KIRREL3: variants seen among roughly 807,000 people sequenced by gnomAD.
The protein encoded by KIRREL3 is kin of IRRE-like protein 3.
In KIRREL3, 36 loss-of-function variants were observed where a neutral mutation model predicts 89.7. The ratio of observed to expected loss-of-function variants is 0.40; its 90% CI spans 0.31 to 0.53. The LOEUF (loss-of-function observed/expected upper bound fraction) is 0.53, where lower values mean the gene tolerates loss of function less well. Ranked by LOEUF, KIRREL3 falls within the 20% of genes least tolerant of loss-of-function variation. The probability of loss-of-function intolerance (pLI) is 0.49; values close to 1 mark genes in which losing one functional copy is unlikely to be tolerated. For missense variants in KIRREL3, 864 were observed against 1,056.6 expected, an observed-to-expected ratio of 0.82 and a Z score of 2.53; for synonymous variants, 445 against 441.4, an observed-to-expected ratio of 1.01 and a Z score of -0.10.
At position 126,876,105 on chromosome 11, in the gene KIRREL3, G is replaced by T. The variant is rs1215708329; in HGVS notation, c.55+124350C>A. On this transcript the variant is annotated intron_variant, in intron 1 of 16. Coordinates refer to ENST00000525144, the MANE Select transcript of KIRREL3 (RefSeq NM_032531.4). This position sits in a 1 kb window ranked among gnomAD's most constrained non-coding sequence, Gnocchi z 4.1. Reference sequence around the variant, plus strand: ...TTGTTGGAAATAATGACTTCAAAGGGCAGCCGTCTTCTACTAGCTCTTCAG... The same window carrying T: ...TTGTTGGAAATAATGACTTCAAAGGTCAGCCGTCTTCTACTAGCTCTTCAG... 3.9e-5 allele frequency among the ~76,000 whole-genome samples: 6 copies of T among 152,288 alleles called. No individual in the cohort carries two copies. In the East Asian group the frequency reaches 1.2e-3, roughly 29 times the overall value.
chr11:126,765,693 GT>G (rs1592094846), intron 1 of KIRREL3, among the ~76,000 whole-genome samples: 1 of 152,182 alleles, frequency 6.6e-6, no homozygotes, highest in Non-Finnish European at 1.5e-5. Flanking sequence ...GAGTCAGGCA[GT>G]TTTCGGGGAA....
chr11:126,945,542 G>C (rs1948598481), intron 1 of KIRREL3, among the ~76,000 whole-genome samples: 1 of 152,174 alleles, frequency 6.6e-6, no homozygotes, highest in African/African-American at 2.4e-5. Context: ...GTTCCCCCAG[G>C]CTGTGGGGAA....
chr11:126,674,161 C>A (rs756907671), intron 1 of KIRREL3, among the ~76,000 whole-genome samples: 2 of 152,196 alleles, frequency 1.3e-5, no homozygotes, highest in Non-Finnish European at 2.9e-5. Context: ...AAGGCAAGGG[C>A]AATTCTTCTT....
rs1040841606 is a variant in KIRREL3 at position 126,432,663 on chromosome 11, C to T, written c.1589-1137G>A. On this transcript the variant is annotated intron_variant, in intron 13 of 16. Coordinates refer to ENST00000525144, the MANE Select transcript of KIRREL3 (RefSeq NM_032531.4). The surrounding 1 kb of genome is among the most constrained non-coding windows in gnomAD (Gnocchi z 6.2). Reference sequence around the variant, plus strand: ...TCTCATGTGCTCGGTACCGCCCAGACTGCTGCTGCTCCGAGTCCTGGCTCC... The same window carrying T: ...TCTCATGTGCTCGGTACCGCCCAGATTGCTGCTGCTCCGAGTCCTGGCTCC... Among the ~76,000 whole-genome samples the T allele has an allele frequency of 3.3e-5, 5 of 152,092 alleles. No individual in the cohort carries two copies. The highest frequency in any genetic ancestry group is 7.4e-5 in the Non-Finnish European group (5 of 68,026).
chr11:126,481,322 C>T (rs1957212351), intron 4 of KIRREL3, among the ~76,000 whole-genome samples: 1 of 152,186 alleles, frequency 6.6e-6, no homozygotes, highest in South Asian at 2.1e-4. Context: ...TTAGCTCTTG[C>T]TGGCCATATC....
intron 1 of KIRREL3, among the ~76,000 whole-genome samples, chr11:126,765,801 A>C (rs1949806236): frequency 6.6e-6 from 1 of 152,168 alleles, no homozygotes; most frequent in African/African-American, 2.4e-5. Flanking sequence ...CCTAGCTGAA[A>C]AGTGAAGAAA....
In KIRREL3 at chr11:126,768,729, C is replaced by T. The variant is rs1389473804; in HGVS notation, c.56-205817G>A. ...AGCTGGAAGAGCAAGTGCAAAGGTC[C>T]TAAGGTGAGAATGACCCAGGTGCCT... On this transcript the variant is annotated intron_variant, in intron 1 of 16. Transcript: ENST00000525144. This position sits in a 1 kb window ranked among gnomAD's most constrained non-coding sequence, Gnocchi z 4.5. Among the ~76,000 whole-genome samples the T allele has an allele frequency of 6.6e-6, 1 of 152,050 alleles. No individual in the cohort carries two copies. Among genetic ancestry groups the T allele is most frequent in the Admixed American group, 6.5e-5 (1 of 15,272 alleles).
chr11:126,686,613 T>C lies in KIRREL3; in HGVS notation c.56-123701A>G, dbSNP rs1022964711. Among the ~76,000 whole-genome samples, 1 of 152,188 alleles carries C rather than the reference T, an allele frequency of 6.6e-6. No homozygotes were observed. Among genetic ancestry groups the C allele is most frequent in the Non-Finnish European group, 1.5e-5 (1 of 68,032 alleles). On this transcript the variant is annotated intron_variant, in intron 1 of 16. Coordinates refer to ENST00000525144, the MANE Select transcript of KIRREL3 (RefSeq NM_032531.4). This position sits in a 1 kb window ranked among gnomAD's most constrained non-coding sequence, Gnocchi z 4.7. ...TTTTAATTTTGAGACAGAGTCTCAC[T>C]GTGTGGCACAGGCTGGAGTGCAGTG...
rs954379624 is a variant in KIRREL3, at chr11:126,562,930, G to C, written c.56-18C>G. ...GCCCAGCTCTGGAAGAGAAGCATAG[G>C]TGGGTGAGTTGGGAATGGGAACAGG... On this transcript the variant is annotated intron_variant, in intron 1 of 16. Coordinates refer to ENST00000525144, the MANE Select transcript of KIRREL3 (RefSeq NM_032531.4). The surrounding 1 kb of genome is among the most constrained non-coding windows in gnomAD (Gnocchi z 4.7). The C allele has an allele frequency of 6.2e-7, 1 of 1,609,066 alleles. No homozygotes were observed. Among genetic ancestry groups the C allele is most frequent in the Non-Finnish European group, 8.5e-7 (1 of 1,175,680 alleles).
At chr11:126,984,361 G>T (rs1949797505) in intron 1 of KIRREL3, among the ~76,000 whole-genome samples, 1 of 152,202 alleles carries the variant, frequency 6.6e-6, no homozygotes, top group African/African-American at 2.4e-5. Flanking sequence ...TCTAGGGCTT[G>T]TGTCACATGC....
Position 126,639,250 on chromosome 11 carries a change from A to T in KIRREL3, c.56-76338T>A, listed in dbSNP as rs976903116. Among the ~76,000 whole-genome samples, 1 of 152,206 alleles carries T rather than the reference A, an allele frequency of 6.6e-6. No homozygotes were observed. Among genetic ancestry groups the T allele is most frequent in the Non-Finnish European group, 1.5e-5 (1 of 68,046 alleles). ...GGCTCTGACCTTTTGATAACATTTT[A>T]AAAAAAGAAACCTTACATATTGACT... is the stretch of plus-strand genomic sequence containing the variant. On this transcript the variant is annotated intron_variant, in intron 1 of 16. Transcript: ENST00000525144. This position sits in a 1 kb window ranked among gnomAD's most constrained non-coding sequence, Gnocchi z 4.3.
chr11:126,447,003 C>A, intron 8 of KIRREL3, 117 bp from the exon 9 acceptor site: 1 of 1,239,110 alleles, frequency 8.1e-7, no homozygotes, highest in Admixed American at 2.2e-5. Context: ...CAGTGGGGTA[C>A]TTGTGCCACC....
intron 1 of KIRREL3, among the ~76,000 whole-genome samples, chr11:126,738,724 C>A (rs548094230): frequency 3.3e-5 from 5 of 152,134 alleles, no homozygotes; most frequent in Admixed American, 1.3e-4. Context: ...TTTCTCAGCC[C>A]TAGCAGGGCT....
intron 1 of KIRREL3, among the ~76,000 whole-genome samples, chr11:126,678,562 TGCA>T (rs1364900392): frequency 8.6e-6 from 1 of 116,886 alleles, no homozygotes; most frequent in Non-Finnish European, 1.6e-5. Flanking sequence ...ATTGTGCCAC[TGCA>T]CACCAGCCTG....
At chr11:126,767,294 T>A (rs1393534724) in intron 1 of KIRREL3, among the ~76,000 whole-genome samples, 1 of 152,164 alleles carries the variant, frequency 6.6e-6, no homozygotes, top group African/African-American at 2.4e-5. Context: ...AGGAGGGAGC[T>A]GGTAGCATGC....
Position 126,620,359 on chromosome 11 carries a change from A to G in KIRREL3, c.56-57447T>C, listed in dbSNP as rs1234883648. On this transcript the variant is annotated intron_variant, in intron 1 of 16. Coordinates refer to ENST00000525144, the MANE Select transcript of KIRREL3 (RefSeq NM_032531.4). This position sits in a 1 kb window ranked among gnomAD's most constrained non-coding sequence, Gnocchi z 4.8. ...TCCTTATTAACATGTGGCATCCAGT[A>G]CCAAACACTCTTTCACCAGCCCAGG... Among the ~76,000 whole-genome samples, 1 of 152,166 alleles carries G rather than the reference A, an allele frequency of 6.6e-6. No individual in the cohort carries two copies. Among genetic ancestry groups the G allele is most frequent in the Non-Finnish European group, 1.5e-5 (1 of 68,032 alleles).
At position 126,764,238 on chromosome 11, in the gene KIRREL3, C is replaced by T. The variant is rs752078941; in HGVS notation, c.56-201326G>A. Among the ~76,000 whole-genome samples the T allele has an allele frequency of 6.6e-6, 1 of 152,152 alleles. No individual in the cohort carries two copies. The highest frequency in any genetic ancestry group is 1.5e-5 in the Non-Finnish European group (1 of 68,034). ...GAAAGGCATCAGACAGCAGGTCGCT[C>T]TGGTCAATGGGCCCACGGCAGCACC... On this transcript the variant is annotated intron_variant, in intron 1 of 16. Coordinates refer to ENST00000525144, the MANE Select transcript of KIRREL3 (RefSeq NM_032531.4). The surrounding 1 kb of genome is among the most constrained non-coding windows in gnomAD (Gnocchi z 4.2).
Position 126,772,622 on chromosome 11 carries a change from G to C in KIRREL3, c.56-209710C>G, listed in dbSNP as rs765873461. Among the ~76,000 whole-genome samples the C allele has an allele frequency of 2.0e-5, 3 of 152,210 alleles. No individual in the cohort carries two copies. The highest frequency in any genetic ancestry group is 2.9e-5 in the Non-Finnish European group (2 of 68,036). On this transcript the variant is annotated intron_variant, in intron 1 of 16. Coordinates refer to ENST00000525144, the MANE Select transcript of KIRREL3 (RefSeq NM_032531.4). This position sits in a 1 kb window ranked among gnomAD's most constrained non-coding sequence, Gnocchi z 4.6. ...AGGAAAGAGCAAAGGCAAGTGACAAGTTGCTAACTCATGTTTGTCAAAAAG... is the reference window on the plus strand; with the variant it reads ...AGGAAAGAGCAAAGGCAAGTGACAACTTGCTAACTCATGTTTGTCAAAAAG...
rs1051277319 is a variant in KIRREL3, at chr11:126,570,456, G to A, written c.56-7544C>T. ...CTATAACATTTCATGTCAAGTTATT[G>A]TCAGTTAGGAAGAGTTGACAATCAT... On this transcript the variant is annotated intron_variant, in intron 1 of 16. Coordinates refer to ENST00000525144, the MANE Select transcript of KIRREL3 (RefSeq NM_032531.4). The surrounding 1 kb of genome is among the most constrained non-coding windows in gnomAD (Gnocchi z 6.1). Among the ~76,000 whole-genome samples, 2 of 152,154 alleles carry A rather than the reference G, an allele frequency of 1.3e-5. No individual in the cohort carries two copies. Among genetic ancestry groups the A allele is most frequent in the African/African-American group, 4.8e-5 (2 of 41,436 alleles).
Sources: allele counts gnomAD v4.1 joint callset (sites outside exome capture counted in the v4.1 genomes callset), GRCh38; gene constraint gnomAD v4.1.1; non-coding constraint Gnocchi (gnomAD v3.1); transcripts MANE v1.5; gene names NCBI Gene and HGNC (gene_info 2026-07-23, HGNC 2026-07-21).